The following SPTBN1 variants were observed in gnomAD, a reference collection of about 807,000 sequenced individuals.
SPTBN1 encodes spectrin beta, non-erythrocytic 1.
Under a neutral mutation model 266.4 loss-of-function variants are expected in SPTBN1, and 32 were observed. The observed-to-expected ratio is 0.12, with a 90% CI of 0.09 to 0.16. The LOEUF (loss-of-function observed/expected upper bound fraction) is 0.16. Ranked by LOEUF, SPTBN1 falls within the 10% of genes least tolerant of loss-of-function variation. The probability of loss-of-function intolerance (pLI) is 1.00; values close to 1 mark genes in which losing one functional copy is unlikely to be tolerated. For missense variants in SPTBN1, 2,296 were observed against 3,067.1 expected (o/e 0.75, Z 5.94); for synonymous variants, 1,336 against 1,162.2 (o/e 1.15, Z -3.04).
chr2:54,542,323 G>C (rs908496770), intron 2 of SPTBN1, among the ~76,000 whole-genome samples: 1 of 152,268 alleles, frequency 6.6e-6, no homozygotes, highest in African/African-American at 2.4e-5. Context: ...GATGCCATGA[G>C]AAGAGCTGCA....
chr2:54,618,934 AGTTCCCTTGC>A (rs1194007104), intron 7 of SPTBN1, among the ~76,000 whole-genome samples: 1 of 152,208 alleles, frequency 6.6e-6, no homozygotes, highest in Non-Finnish European at 1.5e-5. Flanking sequence ...CCCAGGTTGT[AGTTCCCTTGC>A]TTAATAAAAT....
intron 1 of SPTBN1, among the ~76,000 whole-genome samples, chr2:54,514,588 T>TA (rs745581981): frequency 6.6e-6 from 1 of 152,228 alleles, no homozygotes; most frequent in Non-Finnish European, 1.5e-5. Context: ...TCCCCTAAAG[T>TA]ACACACGTTA....
Position 54,553,729 on chromosome 2 carries a change from G to A in SPTBN1, c.148+27163G>A, listed in dbSNP as rs962042845. Among the ~76,000 whole-genome samples the A allele has an allele frequency of 2.0e-5, 3 of 152,152 alleles. No homozygotes were observed. In the East Asian group the frequency reaches 5.8e-4, roughly 29 times the overall value. ...TTTTTCAAATCCCAAGGTTGAATGT[G>A]TACAAATCCCATCACATTTTGTCAT... is the stretch of plus-strand genomic sequence containing the variant. On this transcript the variant is annotated intron_variant, in intron 2 of 35. Coordinates refer to ENST00000356805, the MANE Select transcript of SPTBN1 (RefSeq NM_003128.3).
intron 18 of SPTBN1, among the ~76,000 whole-genome samples, chr2:54,638,128 G>C (rs372209663): frequency 7.1e-4 from 108 of 152,288 alleles, no homozygotes; most frequent in African/African-American, 2.5e-3. Context: ...TAAGAGCGTG[G>C]TTCTTCCATC....
Position 54,649,254 on chromosome 2 carries a change from C to T in SPTBN1, c.5202+64C>T. On this transcript the variant is annotated intron_variant, in intron 25 of 35. Coordinates refer to ENST00000356805, the MANE Select transcript of SPTBN1 (RefSeq NM_003128.3). This position sits in a 1 kb window ranked among gnomAD's most constrained non-coding sequence, Gnocchi z 6.7. ...AAGCGATGGTGTGGAAGGCCATTTG[C>T]ATTCCTTGTCTGTGAGCAGATAAAA... The T allele has an allele frequency of 1.3e-6, 2 of 1,499,496 alleles. No homozygotes were observed. Among genetic ancestry groups the T allele is most frequent in the East Asian group, 2.3e-5 (1 of 43,604 alleles). The allele number at this position is 1,499,496 out of a possible 1,614,324, so 92.9% of individuals were successfully genotyped here.
chr2:54,494,092 C>T (rs540416355), intron 1 of SPTBN1, among the ~76,000 whole-genome samples: 13 of 152,206 alleles, frequency 8.5e-5, no homozygotes, highest in Middle Eastern at 3.4e-3. Context: ...GAATGAGGTA[C>T]GGTGTAGGAA....
intron 2 of SPTBN1, among the ~76,000 whole-genome samples, chr2:54,535,327 G>C (rs1014494827): frequency 6.6e-6 from 1 of 152,148 alleles, no homozygotes; most frequent in Non-Finnish European, 1.5e-5. Flanking sequence ...AGAGTTATGT[G>C]ACAATTACCA....
chr2:54,456,950 G>T (rs1398275377), intron 1 of SPTBN1, among the ~76,000 whole-genome samples: 3 of 134,430 alleles, frequency 2.2e-5, no homozygotes, highest in African/African-American at 5.0e-5. Context: ...CGGACAGCCG[G>T]AGGGTCTATT....
At chr2:54,573,754 G>A (rs1421675744) in intron 2 of SPTBN1, among the ~76,000 whole-genome samples, 1 of 152,180 alleles carries the variant, frequency 6.6e-6, no homozygotes, top group African/African-American at 2.4e-5. Flanking sequence ...GCCTTATGGA[G>A]GGCCTCTGCC....
rs752635654 is a variant in SPTBN1, at chr2:54,657,911, G to A, written c.6108G>A (p.Gln2036=). 1 of 1,614,134 alleles carries A rather than the reference G, an allele frequency of 6.2e-7. No individual in the cohort carries two copies. The highest frequency in any genetic ancestry group is 1.3e-5 in the African/African-American group (1 of 74,948). ...ASVAEAWLLG[Q]EPYLSSREIG... is the part of the protein sequence containing the mutation. ...TGGCCGAGGCCTGGCTGCTTGGACA[G>A]GAGCCGTACCTATCCAGCCGAGAGA... is the stretch of plus-strand genomic sequence containing the variant. The change falls in exon 30 of 36, where the codon CAG becomes CAA. Residue 2036 remains glutamine, a synonymous_variant. Transcript: ENST00000356805.
intron 2 of SPTBN1, among the ~76,000 whole-genome samples, chr2:54,581,591 T>TTTTTTTTTTTTTTTC (rs1674913393): frequency 6.7e-6 from 1 of 149,376 alleles, no homozygotes; most frequent in Non-Finnish European, 1.5e-5. Context: ...TTTTTTTTTT[T>TTTTTTTTTTTTTTTC]TTTTTTTTTG....
chr2:54,546,260 T>G (rs1028083859), intron 2 of SPTBN1, among the ~76,000 whole-genome samples: 1 of 152,226 alleles, frequency 6.6e-6, no homozygotes, highest in Non-Finnish European at 1.5e-5. Context: ...AACAGCAAAC[T>G]ATGTATGTAC....
chr2:54,628,869 C>A lies in SPTBN1; in HGVS notation c.1799-64C>A. 2.0e-5 allele frequency: 31 copies of A among 1,514,454 alleles called. No homozygotes were observed. Among genetic ancestry groups the A allele is most frequent in the Non-Finnish European group, 2.6e-5 (30 of 1,132,440 alleles). The allele number at this position is 1,514,454 out of a possible 1,614,324, so 93.8% of individuals were successfully genotyped here. On this transcript the variant is annotated intron_variant, in intron 13 of 35. Transcript: ENST00000356805. The surrounding 1 kb of genome is among the most constrained non-coding windows in gnomAD (Gnocchi z 4.3). Reference sequence around the variant, plus strand: ...ATATGGGGTGTAGCTTACTGCCTGCCAGTGAGCCTGCACCCATGCTGAGCT... The same window carrying A: ...ATATGGGGTGTAGCTTACTGCCTGCAAGTGAGCCTGCACCCATGCTGAGCT...
In SPTBN1 at chr2:54,618,721, C is replaced by T. The variant is rs149556709; in HGVS notation, c.763+528C>T. Among the ~76,000 whole-genome samples, 30 of 152,160 alleles carry T rather than the reference C, an allele frequency of 2.0e-4. No individual in the cohort carries two copies. In the East Asian group the frequency reaches 5.6e-3, roughly 28 times the overall value. On this transcript the variant is annotated intron_variant, in intron 7 of 35. Coordinates refer to ENST00000356805, the MANE Select transcript of SPTBN1 (RefSeq NM_003128.3). The stretch of plus-strand genomic sequence containing the variant: ...GATGGGTGGAGATTGCAGGCAGGGG[C>T]CTTGTTAGGAGGCTGTGCTTTGCTT...
chr2:54,573,426 T>G (rs938389355), intron 2 of SPTBN1, among the ~76,000 whole-genome samples: 20 of 152,204 alleles, frequency 1.3e-4, no homozygotes, highest in Non-Finnish European at 1.0e-4. Flanking sequence ...CTGCTGCTGA[T>G]CTGACAGGAG....
intron 1 of SPTBN1, among the ~76,000 whole-genome samples, chr2:54,492,848 T>G (rs774826258): frequency 6.6e-6 from 1 of 152,198 alleles, no homozygotes; most frequent in Non-Finnish European, 1.5e-5. Context: ...TATCAGACTC[T>G]GTTTAGCTCT....
chr2:54,655,802 C>T (rs992105637), intron 28 of SPTBN1, 112 bp from the exon 29 acceptor site: 5 of 738,798 alleles, frequency 6.8e-6, no homozygotes, highest in African/African-American at 3.5e-5. Context: ...AGATATCTCC[C>T]AGCTTAATGG....
intron 2 of SPTBN1, among the ~76,000 whole-genome samples, chr2:54,560,674 G>GT (rs763110274): frequency 1.3e-5 from 2 of 152,144 alleles, no homozygotes; most frequent in Non-Finnish European, 2.9e-5. Flanking sequence ...ATTTTTTTTA[G>GT]TGTGACCCTT....
At chr2:54,485,403 G>A (rs1300544365) in intron 1 of SPTBN1, among the ~76,000 whole-genome samples, 1 of 152,214 alleles carries the variant, frequency 6.6e-6, no homozygotes, top group Non-Finnish European at 1.5e-5. Context: ...GTGTTGGCCG[G>A]GCTGGTCTCC....
Sources: gnomAD v4.1 joint callset for allele counts (sites outside exome capture counted in the v4.1 genomes callset) on GRCh38, gnomAD v4.1.1 for gene constraint, Gnocchi (gnomAD v3.1) non-coding constraint, MANE v1.5 for transcripts, NCBI Gene and HGNC (gene_info 2026-07-23, HGNC 2026-07-21) for gene names.